Variants in UGGT1 observed in about 807,000 individuals in gnomAD.
UGGT1 encodes UDP-glucose:glycoprotein glucosyltransferase 1.
A neutral mutation model predicts 203.9 loss-of-function variants in UGGT1; 107 were observed. The observed-to-expected ratio is 0.52, with a 90% CI of 0.45 to 0.62. UGGT1 has a LOEUF of 0.62. Ranked by LOEUF, UGGT1 falls within the 20% of genes least tolerant of loss-of-function variation. The pLI, the probability that UGGT1 is intolerant of heterozygous loss-of-function variation, is 0.00. For missense variants in UGGT1, 1,673 were observed against 1,867.2 expected (o/e 0.90, Z 1.92); for synonymous variants, 628 against 653.5 (o/e 0.96, Z 0.59).
chr2:128,141,265 C>G (rs573426551), intron 16 of UGGT1, among the ~76,000 whole-genome samples: 18 of 151,922 alleles, frequency 1.2e-4, no homozygotes, highest in African/African-American at 4.3e-4. Context: ...TCGAGACCAG[C>G]CTGGCCAACA....
At chr2:128,173,456 GT>G (rs996382169) in intron 29 of UGGT1, among the ~76,000 whole-genome samples, 1 of 151,852 alleles carries the variant, frequency 6.6e-6, no homozygotes, top group African/African-American at 2.4e-5. Context: ...CGTCCTTATT[GT>G]TTTTTTCTCC....
At chr2:128,121,385 A>C in intron 10 of UGGT1, 87 bp downstream of exon 10, 1 of 852,242 alleles carries the variant, frequency 1.2e-6, no homozygotes, top group African/African-American at 1.8e-5. Flanking sequence ...CAATATGAAA[A>C]TTCCTAGAAA....
chr2:128,189,094 C>T (rs1201542685), intron 40 of UGGT1, among the ~76,000 whole-genome samples: 2 of 152,118 alleles, frequency 1.3e-5, no homozygotes, highest in African/African-American at 2.4e-5. Flanking sequence ...TGGAAGAAAA[C>T]AGACATAGTG....
rs778475331 is a variant in UGGT1, at chr2:128,145,849, T to G, written c.1898T>G (p.Val633Gly). 6.2e-7 allele frequency: 1 copy of G among 1,613,262 alleles called. No individual in the cohort carries two copies. The highest frequency in any genetic ancestry group is 1.1e-5 in the South Asian group (1 of 90,994). ...YEQTGVGPLP[V>G]VLFNGMPFER... ...CAGACTGGAGTTGGACCTCTGCCCGTTGTGCTGTTCAATGGAATGCCCTTT... is the reference window on the plus strand; with the variant it reads ...CAGACTGGAGTTGGACCTCTGCCCGGTGTGCTGTTCAATGGAATGCCCTTT... The change falls in exon 18 of 41, where the codon GTT becomes GGT. Residue 633 changes from valine (V) to glycine (G), a missense_variant. Around this residue, in one of 4 missense-constraint regions of UGGT1, gnomAD observed 1,073 missense variants for 1,078.7 expected, o/e 0.99. Transcript: ENST00000259253.
At chr2:128,176,320 G>T (rs1437608038) in intron 31 of UGGT1, among the ~76,000 whole-genome samples, 1 of 149,872 alleles carries the variant, frequency 6.7e-6, no homozygotes, top group East Asian at 2.0e-4. Context: ...GCTGAAGCAG[G>T]AGAATCACTT....
At position 128,159,483 on chromosome 2, in the gene UGGT1, A is replaced by G. The variant is rs769132091; in HGVS notation, c.2356-31A>G. The G allele has an allele frequency of 1.8e-5, 28 of 1,593,368 alleles. 1 individual carries two copies. The highest frequency in any genetic ancestry group is 1.3e-4 in the Admixed American group (8 of 59,944). ...CTTTTTAAGTTCAAAAATATCTACA[A>G]TATGACTCCCGTTTCCCATTTTGTG... On this transcript the variant is annotated intron_variant, in intron 22 of 40. Coordinates refer to ENST00000259253, the MANE Select transcript of UGGT1 (RefSeq NM_020120.4).
intron 5 of UGGT1, among the ~76,000 whole-genome samples, chr2:128,112,474 T>TATATATATATATATATATATA (rs1687915322): frequency 3.1e-5 from 1 of 32,492 alleles, no homozygotes; most frequent in African/African-American, 6.9e-5. Flanking sequence ...ATATATATAT[T>TATATATATATATATATATATA]ACATACATAC....
chr2:128,149,540 C>T (rs916205607), intron 18 of UGGT1, among the ~76,000 whole-genome samples: 26 of 150,426 alleles, frequency 1.7e-4, no homozygotes, highest in African/African-American at 5.6e-4. Context: ...CCGAGGTGGG[C>T]GGATCATGAG....
chr2:128,172,615 A>G lies in UGGT1; in HGVS notation c.3147A>G (p.Ser1049=), dbSNP rs1691164854. 6.2e-7 allele frequency: 1 copy of G among 1,614,008 alleles called. No individual in the cohort carries two copies. The highest frequency in any genetic ancestry group is 8.5e-7 in the Non-Finnish European group (1 of 1,180,034). The change falls in exon 29 of 41, where the codon TCA becomes TCG. Residue 1049 remains serine (S), a synonymous_variant. Transcript: ENST00000259253. ...TAGAACCAGAGATTTCTTTCACTTC[A>G]GACAATAGTTTTGCTAAGGGTCCAA... ...YVLEPEISFT[S]DNSFAKGPIA...
chr2:128,173,537 C>T (rs1451907362), intron 29 of UGGT1, among the ~76,000 whole-genome samples: 1 of 152,128 alleles, frequency 6.6e-6, no homozygotes, highest in African/African-American at 2.4e-5. Context: ...CGATGCAGAA[C>T]ATTTCCATTA....
At position 128,173,869 on chromosome 2, in the gene UGGT1, G is replaced by A. The variant is rs146726650; in HGVS notation, c.3383G>A (p.Arg1128Gln). ...CYDITTGQPP[R>Q]GLQFTLGTSA... The stretch of plus-strand genomic sequence containing the variant: ...GACATCACCACAGGCCAGCCTCCAC[G>A]GGGACTACAGTTTACCTTAGGAACT... Residue 1128 changes from arginine (R) to glutamine (Q), a missense_variant, in exon 30 of 41, where the codon CGG (arginine) becomes CAG (glutamine). By Grantham distance (43) the Arg-to-Gln change is conservative (BLOSUM62 1). This residue lies in a region of UGGT1 where 513 missense variants were observed against 684.1 expected (regional missense o/e 0.75). Coordinates refer to ENST00000259253, the MANE Select transcript of UGGT1 (RefSeq NM_020120.4). The A allele has an allele frequency of 2.9e-5, 46 of 1,614,008 alleles. No individual in the cohort carries two copies. The highest frequency in any genetic ancestry group is 1.2e-4 in the African/African-American group (9 of 74,908).
intron 13 of UGGT1, 30 bp downstream of exon 13, chr2:128,129,209 C>T (rs1347093957): frequency 1.3e-6 from 2 of 1,582,262 alleles, no homozygotes; most frequent in Non-Finnish European, 1.7e-6. Context: ...GATCAAAGGA[C>T]TTTCTGACCA....
intron 28 of UGGT1, among the ~76,000 whole-genome samples, chr2:128,172,313 G>C (rs987651327): frequency 6.6e-5 from 10 of 152,102 alleles, no homozygotes; most frequent in African/African-American, 2.4e-4. Context: ...GTTACTAGAA[G>C]GTCATTGCTA....
Position 128,103,919 on chromosome 2 carries a change from T to G in UGGT1, c.195-13T>G. ...TTTTATTAAGTTGTTTTATTTCTGA[T>G]CTTTTCTCCCAGTGAGTTTTTAGCA... On this transcript the variant is annotated splice_polypyrimidine_tract_variant and intron_variant, in intron 2 of 40. Coordinates refer to ENST00000259253, the MANE Select transcript of UGGT1 (RefSeq NM_020120.4). The G allele has an allele frequency of 6.4e-7, 1 of 1,574,016 alleles. No homozygotes were observed. Among genetic ancestry groups the G allele is most frequent in the East Asian group, 2.3e-5 (1 of 43,862 alleles).
chr2:128,108,141 T>C (rs767881432), intron 4 of UGGT1, 73 bp downstream of exon 4: 287 of 1,531,298 alleles, frequency 1.9e-4, no homozygotes, highest in Non-Finnish European at 2.4e-4. Flanking sequence ...CCAGTTGTCC[T>C]GGAATTGAAT....
At chr2:128,153,766 C>G (rs557584867) in intron 19 of UGGT1, among the ~76,000 whole-genome samples, 1 of 152,210 alleles carries the variant, frequency 6.6e-6, no homozygotes, top group East Asian at 1.9e-4. Context: ...GCTAGAATAC[C>G]TTATAAGAGC....
intron 13 of UGGT1, among the ~76,000 whole-genome samples, chr2:128,131,952 A>C (rs962949598): frequency 2.0e-5 from 3 of 152,128 alleles, no homozygotes; most frequent in Non-Finnish European, 4.4e-5. Context: ...TAGAAAAATT[A>C]GTACTAATAT....
intron 31 of UGGT1, among the ~76,000 whole-genome samples, chr2:128,175,947 A>G (rs910332499): frequency 6.6e-6 from 1 of 152,284 alleles, no homozygotes; most frequent in African/African-American, 2.4e-5. Context: ...TAGTAGGGAA[A>G]CATACATTTA....
chr2:128,162,754 T>C (rs1182161209), intron 25 of UGGT1, among the ~76,000 whole-genome samples: 1 of 152,162 alleles, frequency 6.6e-6, no homozygotes, highest in Non-Finnish European at 1.5e-5. Context: ...TGTGGCATGC[T>C]GTTGGACCAC....
Sources: allele counts gnomAD v4.1 joint callset (sites outside exome capture counted in the v4.1 genomes callset), GRCh38; gene constraint gnomAD v4.1.1; regional missense constraint gnomAD v4.1.1; transcripts MANE v1.5; gene names NCBI Gene and HGNC (gene_info 2026-07-23, HGNC 2026-07-21).